Variants in NKAIN2 observed in about 807,000 individuals in gnomAD.
NKAIN2 encodes sodium/potassium-transporting ATPase subunit beta-1-interacting protein 2.
A neutral mutation model predicts 32.6 loss-of-function variants in NKAIN2; 14 were observed. The observed-to-expected ratio is 0.43, with a 90% CI of 0.28 to 0.67. NKAIN2 has a LOEUF of 0.67. Ranked by LOEUF, NKAIN2 falls within the 30% of genes least tolerant of loss-of-function variation. The pLI is 0.17. For synonymous variants in NKAIN2, 80 were observed against 87.2 expected (o/e 0.92, Z 0.46); for missense variants, 198 against 258.3 (o/e 0.77, Z 1.60).
At chr6:123,870,746 A>T (rs1772827593) in intron 1 of NKAIN2, among the ~76,000 whole-genome samples, 1 of 152,144 alleles carries the variant, frequency 6.6e-6, no homozygotes, top group South Asian at 2.1e-4. Flanking sequence ...TGAAATAGGC[A>T]GCTATAGTGA....
rs1172178436 is a variant in NKAIN2 at position 124,603,144 on chromosome 6, G to A, written c.274-55042G>A. ...ATTATCCCCATTATACAGAAGAAGAGAAAAAAACATAAAAACAAAATGAGT... is the reference window on the plus strand; with the variant it reads ...ATTATCCCCATTATACAGAAGAAGAAAAAAAAACATAAAAACAAAATGAGT... On this transcript the variant is annotated intron_variant, in intron 3 of 6. Transcript: ENST00000368417. Among the ~76,000 whole-genome samples the A allele has an allele frequency of 4.0e-5, 6 of 151,844 alleles. No homozygotes were observed. The East Asian group carries it at 1.2e-3, about 29-fold the overall frequency.
At chr6:124,370,637 T>C (rs935721784) in intron 3 of NKAIN2, among the ~76,000 whole-genome samples, 7 of 152,104 alleles carry the variant, frequency 4.6e-5, no homozygotes, top group African/African-American at 1.7e-4. Flanking sequence ...AATAGCAATA[T>C]TAATACCACA....
At chr6:124,043,160 C>A (rs1429512740) in intron 1 of NKAIN2, among the ~76,000 whole-genome samples, 1 of 151,978 alleles carries the variant, frequency 6.6e-6, no homozygotes, top group Non-Finnish European at 1.5e-5. Flanking sequence ...GAGTTTGAGA[C>A]CAGCATGGCC....
intron 3 of NKAIN2, among the ~76,000 whole-genome samples, chr6:124,569,433 T>G (rs1465972519): frequency 6.6e-6 from 1 of 152,186 alleles, no homozygotes; most frequent in African/African-American, 2.4e-5. Context: ...CCACTTTTGA[T>G]ATGGTTTGGC....
intron 2 of NKAIN2, among the ~76,000 whole-genome samples, chr6:124,299,742 A>T (rs139568583): frequency 6.6e-5 from 10 of 152,246 alleles, no homozygotes; most frequent in African/African-American, 1.9e-4. Flanking sequence ...TCTATTCTGA[A>T]TAAGTACAAA....
At chr6:124,219,468 G>A (rs532278646) in intron 1 of NKAIN2, among the ~76,000 whole-genome samples, 1 of 151,634 alleles carries the variant, frequency 6.6e-6, no homozygotes, top group South Asian at 2.1e-4. Context: ...AGTTGACATG[G>A]GGTTTCACCA....
chr6:124,018,806 C>T (rs1780719845), intron 1 of NKAIN2, among the ~76,000 whole-genome samples: 1 of 152,204 alleles, frequency 6.6e-6, no homozygotes, highest in Non-Finnish European at 1.5e-5. Context: ...GTTCCAACCT[C>T]TGCCTGTTAC....
chr6:124,710,806 A>C (rs1436579635), intron 4 of NKAIN2, among the ~76,000 whole-genome samples: 1 of 148,402 alleles, frequency 6.7e-6, no homozygotes, highest in East Asian at 2.0e-4. Context: ...TGTGTCTTTT[A>C]ATTGGAGCAT....
At chr6:124,336,572 T>C (rs574096330) in intron 2 of NKAIN2, among the ~76,000 whole-genome samples, 2 of 152,298 alleles carry the variant, frequency 1.3e-5, no homozygotes, top group Non-Finnish European at 2.9e-5. Flanking sequence ...TTCCAGACTT[T>C]ATATATGAGA....
intron 1 of NKAIN2, among the ~76,000 whole-genome samples, chr6:124,247,066 G>A (rs1793447578): frequency 6.6e-6 from 1 of 151,924 alleles, no homozygotes; most frequent in Non-Finnish European, 1.5e-5. Context: ...ATAGTGTTGT[G>A]TCCTTCTCAT....
At chr6:124,103,064 T>A (rs1021382285) in intron 1 of NKAIN2, among the ~76,000 whole-genome samples, 3 of 152,146 alleles carry the variant, frequency 2.0e-5, no homozygotes, top group Admixed American at 6.5e-5. Context: ...CCATATAAGT[T>A]TTTTTGTGAC....
At chr6:124,150,139 G>C (rs1375435483) in intron 1 of NKAIN2, among the ~76,000 whole-genome samples, 1 of 152,030 alleles carries the variant, frequency 6.6e-6, no homozygotes, top group Non-Finnish European at 1.5e-5. Context: ...AGAACCTTCC[G>C]ACCTTTCAGA....
At chr6:124,369,880 A>ATTTTTTTTTTTTTTTTTTTTTTTT in intron 3 of NKAIN2, among the ~76,000 whole-genome samples, 2 of 82,384 alleles carry the variant, frequency 2.4e-5, no homozygotes, top group African/African-American at 5.7e-5. Flanking sequence ...CAGAATGTCA[A>ATTTTTTTTTTTTTTTTTTTTTTTT]TTTTTTTTTT....
intron 4 of NKAIN2, among the ~76,000 whole-genome samples, chr6:124,733,530 CATGTTAGCA>C (rs1776788052): frequency 6.6e-6 from 1 of 151,758 alleles, no homozygotes; most frequent in Non-Finnish European, 1.5e-5. Flanking sequence ...AGTATTGTTC[CATGTTAGCA>C]ATGTTAGCAA....
chr6:124,462,135 A>G (rs1583288268), intron 3 of NKAIN2, among the ~76,000 whole-genome samples: 1 of 151,834 alleles, frequency 6.6e-6, no homozygotes, highest in Non-Finnish European at 1.5e-5. Flanking sequence ...CCGTGAGGGG[A>G]TACAGCTTCT....
At chr6:124,171,207 CT>C (rs1788836057) in intron 1 of NKAIN2, among the ~76,000 whole-genome samples, 1 of 151,980 alleles carries the variant, frequency 6.6e-6, no homozygotes, top group African/African-American at 2.4e-5. Context: ...TCTTAAGGAA[CT>C]TTTTTTGTTT....
At chr6:124,073,824 G>A (rs1783570805) in intron 1 of NKAIN2, among the ~76,000 whole-genome samples, 1 of 152,062 alleles carries the variant, frequency 6.6e-6, no homozygotes, top group African/African-American at 2.4e-5. Flanking sequence ...CACCGGGCAG[G>A]GGAGGATTCA....
intron 2 of NKAIN2, among the ~76,000 whole-genome samples, chr6:124,318,822 A>G (rs927483644): frequency 6.6e-6 from 1 of 152,050 alleles, no homozygotes; most frequent in African/African-American, 2.4e-5. Context: ...TAAAAGGCCA[A>G]CCATTGCCTC....
intron 3 of NKAIN2, among the ~76,000 whole-genome samples, chr6:124,547,461 A>C (rs989616132): frequency 1.3e-5 from 2 of 152,224 alleles, no homozygotes; most frequent in Non-Finnish European, 2.9e-5. Flanking sequence ...CATTAACAAG[A>C]CTTGACCATT....
Sources: gnomAD v4.1 joint callset for allele counts (sites outside exome capture counted in the v4.1 genomes callset) on GRCh38, gnomAD v4.1.1 for gene constraint, MANE v1.5 for transcripts, NCBI Gene and HGNC (gene_info 2026-07-23, HGNC 2026-07-21) for gene names.